Variants in CAMK1D observed in about 807,000 individuals in gnomAD.
CAMK1D encodes calcium/calmodulin dependent protein kinase ID.
Under a neutral mutation model 47.7 loss-of-function variants are expected in CAMK1D, and 9 were observed. The ratio of observed to expected loss-of-function variants is 0.19; its 90% CI spans 0.11 to 0.33. The LOEUF is 0.33. CAMK1D is among the 10% of genes least tolerant of loss of function. The probability of loss-of-function intolerance (pLI) is 1.00; values close to 1 mark genes in which losing one functional copy is unlikely to be tolerated. For missense variants in CAMK1D, 291 were observed against 488.7 expected, an observed-to-expected ratio of 0.60 and a Z score of 3.81; for synonymous variants, 184 against 184.9, an observed-to-expected ratio of 0.99 and a Z score of 0.04.
intron 1 of CAMK1D, among the ~76,000 whole-genome samples, chr10:12,515,337 ATCTG>A (rs1194514505): frequency 1.3e-4 from 19 of 150,320 alleles, no homozygotes; most frequent in African/African-American, 4.4e-4. Flanking sequence ...CAGTCCAACT[ATCTG>A]TCCAGCCCGA....
intron 3 of CAMK1D, among the ~76,000 whole-genome samples, chr10:12,716,976 A>T (rs10906215): frequency 0.1 from 15,909 of 152,184 alleles, 2,084 homozygotes; most frequent in African/African-American, 0.31. Context: ...ATGTATTCAC[A>T]GAGGATACAC....
rs1009498979 is a variant in CAMK1D, at chr10:12,722,071, C to T, written c.300-38877C>T. Among the ~76,000 whole-genome samples the T allele has an allele frequency of 4.6e-5, 7 of 152,038 alleles. No homozygotes were observed. In the East Asian group the frequency reaches 9.6e-4, roughly 21 times the overall value. On this transcript the variant is annotated intron_variant, in intron 3 of 10. Coordinates refer to ENST00000619168, the MANE Select transcript of CAMK1D (RefSeq NM_153498.4). ...CTCATGACCTAATCACCTCCACAGGCCCCCCATTCCTAACACCATCACCTT... is the reference window on the plus strand; with the variant it reads ...CTCATGACCTAATCACCTCCACAGGTCCCCCATTCCTAACACCATCACCTT...
At position 12,528,939 on chromosome 10, in the gene CAMK1D, ACCTTGTTGCCC is replaced by A. The variant is rs1178409090; in HGVS notation, c.93-24285_93-24275del. Reference sequence around the variant, plus strand: ...TTATTTTTTGTAGAGATAGTGTCTCACCTTGTTGCCCAGGCTGGTCTTGAACTCCTGGACTT... The same window carrying A: ...TTATTTTTTGTAGAGATAGTGTCTCAAGGCTGGTCTTGAACTCCTGGACTT... On this transcript the variant is annotated intron_variant, in intron 1 of 10. Transcript: ENST00000619168. Among the ~76,000 whole-genome samples the A allele has an allele frequency of 3.4e-3, 512 of 151,234 alleles. 1 individual carries two copies. Among genetic ancestry groups the A allele is most frequent in the African/African-American group, 0.012 (490 of 41,070 alleles).
At chr10:12,613,158 G>C (rs542801922) in intron 2 of CAMK1D, among the ~76,000 whole-genome samples, 1 of 152,144 alleles carries the variant, frequency 6.6e-6, no homozygotes, top group Non-Finnish European at 1.5e-5. Flanking sequence ...TCTTCTTCTA[G>C]CAATCTCAAG....
intron 3 of CAMK1D, among the ~76,000 whole-genome samples, chr10:12,675,030 C>CAAAA (rs771350871): frequency 2.3e-4 from 12 of 53,222 alleles, no homozygotes; most frequent in African/African-American, 5.0e-4. Flanking sequence ...GACTCCATCT[C>CAAAA]AAAAAAAAAA....
At chr10:12,624,211 C>CGTGT (rs771627230) in intron 2 of CAMK1D, among the ~76,000 whole-genome samples, 1 of 151,012 alleles carries the variant, frequency 6.6e-6, no homozygotes, top group Non-Finnish European at 1.5e-5. Flanking sequence ...AGAGTGTGTG[C>CGTGT]GTGTGTGTGT....
intron 1 of CAMK1D, among the ~76,000 whole-genome samples, chr10:12,351,053 C>G (rs1422144425): frequency 6.6e-6 from 1 of 152,098 alleles, no homozygotes; most frequent in South Asian, 2.1e-4. Context: ...CACCACATTA[C>G]CCAGCTTGTC....
At chr10:12,430,807 G>A (rs1832447603) in intron 1 of CAMK1D, among the ~76,000 whole-genome samples, 1 of 152,218 alleles carries the variant, frequency 6.6e-6, no homozygotes, top group Admixed American at 6.5e-5. Flanking sequence ...CTGGAGTGCA[G>A]TGGTGCAATC....
intron 1 of CAMK1D, among the ~76,000 whole-genome samples, chr10:12,391,976 AACACACACACACACAC>A (rs10659393): frequency 0.042 from 6,008 of 143,246 alleles, 176 homozygotes; most frequent in Non-Finnish European, 0.062. Context: ...CTTGTCTTAA[AACACACACACACACAC>A]ACACACACAC....
At chr10:12,717,144 G>A (rs979878954) in intron 3 of CAMK1D, among the ~76,000 whole-genome samples, 2 of 152,220 alleles carry the variant, frequency 1.3e-5, no homozygotes, top group African/African-American at 4.8e-5. Flanking sequence ...AGCAGTCTTT[G>A]TATTGGTTTT....
intron 1 of CAMK1D, among the ~76,000 whole-genome samples, chr10:12,355,265 C>T (rs1389375751): frequency 1.3e-5 from 2 of 152,144 alleles, no homozygotes; most frequent in African/African-American, 4.8e-5. Context: ...CTGCTGGATG[C>T]TGCTTTAGGA....
intron 1 of CAMK1D, among the ~76,000 whole-genome samples, chr10:12,443,887 C>T (rs1015187933): frequency 3.3e-5 from 5 of 152,204 alleles, no homozygotes; most frequent in Admixed American, 6.5e-5. Flanking sequence ...ACTTTGGCCT[C>T]CCAGAGTTCT....
chr10:12,606,809 C>G (rs1838474434), intron 2 of CAMK1D, among the ~76,000 whole-genome samples: 1 of 152,062 alleles, frequency 6.6e-6, no homozygotes, highest in African/African-American at 2.4e-5. Flanking sequence ...TGTTCTCCAG[C>G]AAGGAAGTGA....
chr10:12,528,736 C>CTTTTTTTTTTTTTTTTTTTTTT (rs34250007), intron 1 of CAMK1D, among the ~76,000 whole-genome samples: 1 of 137,908 alleles, frequency 7.3e-6, no homozygotes. Flanking sequence ...AAATCCTCAT[C>CTTTTTTTTTTTTTTTTTTTTTT]TTTTTTTTTT....
chr10:12,569,412 C>T (rs942741081), intron 2 of CAMK1D, among the ~76,000 whole-genome samples: 1 of 152,086 alleles, frequency 6.6e-6, no homozygotes, highest in Non-Finnish European at 1.5e-5. Context: ...TTCTACTACT[C>T]TTAAAAATTG....
chr10:12,390,142 C>T (rs377589329), intron 1 of CAMK1D, among the ~76,000 whole-genome samples: 2 of 152,132 alleles, frequency 1.3e-5, no homozygotes, highest in East Asian at 1.9e-4. Context: ...TTGTACTGCA[C>T]GGTGTCCTTA....
intron 6 of CAMK1D, among the ~76,000 whole-genome samples, chr10:12,804,509 G>A (rs946984059): frequency 6.6e-6 from 1 of 152,106 alleles, no homozygotes; most frequent in African/African-American, 2.4e-5. Context: ...AGGTACTTGG[G>A]AAGATGGGTT....
intron 1 of CAMK1D, among the ~76,000 whole-genome samples, chr10:12,384,028 A>G (rs1273341079): frequency 6.6e-6 from 1 of 152,258 alleles, no homozygotes; most frequent in Non-Finnish European, 1.5e-5. Flanking sequence ...CAAGATCAGT[A>G]TACAAAAATG....
At chr10:12,375,320 G>A (rs900296199) in intron 1 of CAMK1D, among the ~76,000 whole-genome samples, 4 of 152,180 alleles carry the variant, frequency 2.6e-5, no homozygotes, top group South Asian at 4.1e-4. Flanking sequence ...TTTTGTTACT[G>A]ATAAGTCCTT....
Sources: gnomAD v4.1 joint callset for allele counts (sites outside exome capture counted in the v4.1 genomes callset) on GRCh38, gnomAD v4.1.1 for gene constraint, MANE v1.5 for transcripts, NCBI Gene and HGNC (gene_info 2026-07-23, HGNC 2026-07-21) for gene names.